CUL1: variants seen among roughly 807,000 people sequenced by gnomAD.
The protein encoded by CUL1 is cullin 1.
Under a neutral mutation model 118.0 loss-of-function variants are expected in CUL1, and 24 were observed. The observed-to-expected ratio is 0.20, with a 90% CI of 0.15 to 0.29. The LOEUF is 0.29. CUL1 is among the 10% of genes least tolerant of loss of function. The pLI, the probability that CUL1 is intolerant of heterozygous loss-of-function variation, is 1.00. For synonymous variants in CUL1, 332 were observed against 340.4 expected, an observed-to-expected ratio of 0.98 and a Z score of 0.27; for missense variants, 361 against 933.8, an observed-to-expected ratio of 0.39 and a Z score of 7.99.
upstream of CUL1, chr7:148,698,838 GGGA>G (rs909965641): frequency 5.2e-5 from 8 of 155,078 alleles, no homozygotes; most frequent in African/African-American, 1.7e-4. Flanking sequence ...CGGCGGCGGC[GGGA>G]GGAGGAGGGC....
At chr7:148,797,245 C>T (rs763408084) in intron 17 of CUL1, among the ~76,000 whole-genome samples, 5 of 151,996 alleles carry the variant, frequency 3.3e-5, no homozygotes, top group Non-Finnish European at 5.9e-5. Flanking sequence ...GATCAGTGTC[C>T]AAGATGAGCT....
At chr7:148,764,185 G>A (rs770485580) in intron 7 of CUL1, among the ~76,000 whole-genome samples, 4 of 152,040 alleles carry the variant, frequency 2.6e-5, no homozygotes, top group South Asian at 2.1e-4. Context: ...ACTGAGAACC[G>A]ATCCTAGTGA....
At chr7:148,742,986 T>C (rs1222973353) in intron 2 of CUL1, among the ~76,000 whole-genome samples, 2 of 152,242 alleles carry the variant, frequency 1.3e-5, no homozygotes, top group Non-Finnish European at 2.9e-5. Flanking sequence ...AATTTTGATA[T>C]GTTGTATCTT....
rs58759149 is a variant in CUL1 at position 148,730,342 on chromosome 7, A to G, written c.140+80A>G. ...ATGACTTATGAATTATTAGAATTTT[A>G]TATTGTTTTCTCCTCCCAGTTCATC... On this transcript the variant is annotated intron_variant, in intron 2 of 21. Transcript: ENST00000325222. The G allele has an allele frequency of 9.0e-3, 12,850 of 1,425,790 alleles. 973 individuals are homozygous for G. The African/African-American group carries it at 0.16, about 18-fold the overall frequency. The allele number at this position is 1,425,790 out of a possible 1,614,324, so 88.3% of individuals were successfully genotyped here.
At chr7:148,755,188 C>A (rs1439518368) in intron 3 of CUL1, among the ~76,000 whole-genome samples, 1 of 152,150 alleles carries the variant, frequency 6.6e-6, no homozygotes, top group Admixed American at 6.5e-5. Context: ...AGTCTTTTCC[C>A]CTTCATCTCC....
At chr7:148,710,689 G>T (rs1031734482) in intron 1 of CUL1, among the ~76,000 whole-genome samples, 3 of 150,440 alleles carry the variant, frequency 2.0e-5, no homozygotes, top group Non-Finnish European at 4.4e-5. Flanking sequence ...TTGGGGTTTC[G>T]CTGTTGTCTC....
chr7:148,753,622 G>A (rs1432964717), intron 2 of CUL1, among the ~76,000 whole-genome samples: 1 of 152,176 alleles, frequency 6.6e-6, no homozygotes, highest in Non-Finnish European at 1.5e-5. Context: ...TTAGCTTTTT[G>A]TTTTTCCTGG....
chr7:148,758,404 T>C (rs1799728550), intron 4 of CUL1, among the ~76,000 whole-genome samples: 1 of 152,196 alleles, frequency 6.6e-6, no homozygotes, highest in Non-Finnish European at 1.5e-5. Context: ...ATGCTTGTAA[T>C]CCTAGCACTT....
chr7:148,793,761 G>A (rs1801095203), intron 17 of CUL1, among the ~76,000 whole-genome samples: 1 of 152,078 alleles, frequency 6.6e-6, no homozygotes, highest in Admixed American at 6.5e-5. Flanking sequence ...ATTTTCCTGG[G>A]TATATACCTA....
rs539985599 is a variant in CUL1 at position 148,715,407 on chromosome 7, G to C, written c.-161-14555G>C. ...GCCGTGGCTCCTGGCACTTACCACA[G>C]TCAGTGACTTTTCATAATAGACCTT... is the stretch of plus-strand genomic sequence containing the variant. On this transcript the variant is annotated intron_variant, in intron 1 of 21. Coordinates refer to ENST00000325222, the MANE Select transcript of CUL1 (RefSeq NM_003592.3). Among the ~76,000 whole-genome samples, 5 of 151,960 alleles carry C rather than the reference G, an allele frequency of 3.3e-5. No homozygotes were observed. The South Asian group carries it at 1.1e-3, about 32-fold the overall frequency.
intron 4 of CUL1, among the ~76,000 whole-genome samples, chr7:148,757,803 A>G (rs1210700273): frequency 2.6e-5 from 4 of 152,166 alleles, no homozygotes; most frequent in Admixed American, 2.0e-4. Flanking sequence ...CACATCTTAG[A>G]TGGCGGCAGG....
intron 1 of CUL1, among the ~76,000 whole-genome samples, chr7:148,728,213 G>A (rs1043758430): frequency 2.6e-5 from 4 of 152,130 alleles, no homozygotes; most frequent in African/African-American, 4.8e-5. Context: ...ATTGCCACTC[G>A]CTGACACGGA....
intron 9 of CUL1, among the ~76,000 whole-genome samples, chr7:148,776,305 GGC>G (rs1800395009): frequency 4.6e-5 from 2 of 43,046 alleles, no homozygotes; most frequent in South Asian, 1.3e-3. Context: ...AACATAACCA[GGC>G]TTTTTTTTTT....
intron 19 of CUL1, 135 bp downstream of exon 19, chr7:148,798,154 G>A: frequency 1.7e-6 from 1 of 583,984 alleles, no homozygotes. Context: ...TAGGCTGGGA[G>A]TGTGAGGTAG....
At chr7:148,727,144 TC>T (rs1438083602) in intron 1 of CUL1, among the ~76,000 whole-genome samples, 9 of 152,220 alleles carry the variant, frequency 5.9e-5, no homozygotes, top group Non-Finnish European at 1.0e-4. Context: ...TACTAAATAT[TC>T]GTTAAAACTA....
chr7:148,788,918 G>T, intron 14 of CUL1, among the ~76,000 whole-genome samples: 1 of 152,222 alleles, frequency 6.6e-6, no homozygotes, highest in East Asian at 1.9e-4. Flanking sequence ...GGGATCTGGG[G>T]AGGGACTCAC....
intron 1 of CUL1, among the ~76,000 whole-genome samples, chr7:148,705,549 A>G (rs1797853499): frequency 6.6e-6 from 1 of 152,228 alleles, no homozygotes; most frequent in African/African-American, 2.4e-5. Context: ...GTCGAAATTA[A>G]TTAAATGCTA....
chr7:148,799,172 C>G (rs1167350949), intron 20 of CUL1, 103 bp from the exon 21 acceptor site: 17 of 737,282 alleles, frequency 2.3e-5, no homozygotes, highest in Non-Finnish European at 3.8e-5. Flanking sequence ...AATTGTGATC[C>G]TGTGCATAGG....
intron 9 of CUL1, among the ~76,000 whole-genome samples, chr7:148,775,578 T>G (rs1800367731): frequency 1.3e-5 from 2 of 152,052 alleles, no homozygotes; most frequent in Admixed American, 1.3e-4. Flanking sequence ...AAGAGTGTCT[T>G]TAGGACAAAA....
Sources: gnomAD v4.1 joint callset for allele counts (sites outside exome capture counted in the v4.1 genomes callset) on GRCh38, gnomAD v4.1.1 for gene constraint, MANE v1.5 for transcripts, NCBI Gene and HGNC (gene_info 2026-07-23, HGNC 2026-07-21) for gene names.